Variants in NAV2 observed in about 807,000 individuals in gnomAD.
NAV2 encodes helicase, APC down-regulated 1.
In NAV2, 54 loss-of-function variants were observed where a neutral mutation model predicts 223.2. The observed-to-expected ratio is 0.24, with a 90% CI of 0.19 to 0.30. NAV2 has a LOEUF of 0.30. Among genes scored for constraint, NAV2 ranks in the 10% least tolerant of loss-of-function variants. The probability of loss-of-function intolerance (pLI) is 1.00; values close to 1 mark genes in which losing one functional copy is unlikely to be tolerated. For missense variants in NAV2, 2,806 were observed against 3,147.5 expected, an observed-to-expected ratio of 0.89 and a Z score of 2.60; for synonymous variants, 1,279 against 1,239.3, an observed-to-expected ratio of 1.03 and a Z score of -0.67.
At chr11:20,097,787 C>T (rs1423197333) in intron 31 of NAV2, 42 bp downstream of exon 31, 2 of 1,517,860 alleles carry the variant, frequency 1.3e-6, no homozygotes, top group South Asian at 2.6e-5. Flanking sequence ...TCAGGAATTG[C>T]AGTGTTTGTT....
chr11:20,068,601 C>T (rs1029705464), intron 22 of NAV2, among the ~76,000 whole-genome samples: 8 of 152,176 alleles, frequency 5.3e-5, no homozygotes, highest in South Asian at 2.1e-4. Flanking sequence ...TCTCAGCCTG[C>T]GTGTCCTTAT....
chr11:19,830,729 T>C (rs1002718384), intron 1 of NAV2, among the ~76,000 whole-genome samples: 2 of 152,214 alleles, frequency 1.3e-5, no homozygotes, highest in Non-Finnish European at 2.9e-5. Context: ...CCTGAACCCA[T>C]GTCTGCTTCT....
intron 1 of NAV2, among the ~76,000 whole-genome samples, chr11:19,773,720 C>T (rs527499898): frequency 6.2e-4 from 95 of 152,276 alleles, no homozygotes; most frequent in Admixed American, 1.1e-3. Flanking sequence ...CACCTGTGAA[C>T]TCACAGCCAT....
intron 1 of NAV2, among the ~76,000 whole-genome samples, chr11:19,687,040 C>T (rs571667575): frequency 6.6e-6 from 1 of 152,228 alleles, no homozygotes; most frequent in Non-Finnish European, 1.5e-5. Context: ...AGGGTTTCAA[C>T]ACATTGAGCT....
In NAV2 at chr11:19,994,663, G is replaced by A. The variant is rs1401708950; in HGVS notation, c.2768+10416G>A. On this transcript the variant is annotated intron_variant, in intron 11 of 37. Transcript: ENST00000349880. ...GCCCAGAATATAAGGCACTTACGGTGGCCTATGGAAAAGGGTCCCTGGTTT... is the reference window on the plus strand; with the variant it reads ...GCCCAGAATATAAGGCACTTACGGTAGCCTATGGAAAAGGGTCCCTGGTTT... 3.9e-5 allele frequency among the ~76,000 whole-genome samples: 6 copies of A among 152,106 alleles called. No homozygotes were observed. The East Asian group carries it at 1.2e-3, about 29-fold the overall frequency.
At chr11:20,018,128 C>T (rs532269054) in intron 11 of NAV2, among the ~76,000 whole-genome samples, 23 of 152,102 alleles carry the variant, frequency 1.5e-4, no homozygotes, top group African/African-American at 5.3e-4. Flanking sequence ...CCAAGGCAGG[C>T]GGATCACTTG....
intron 18 of NAV2, among the ~76,000 whole-genome samples, chr11:20,054,913 T>C (rs564734376): frequency 6.6e-6 from 1 of 152,182 alleles, no homozygotes; most frequent in African/African-American, 2.4e-5. Flanking sequence ...TATGAAATCA[T>C]GTAAAAGCTG....
At chr11:20,025,771 G>T (rs1372366145) in intron 11 of NAV2, among the ~76,000 whole-genome samples, 2 of 152,214 alleles carry the variant, frequency 1.3e-5, no homozygotes, top group African/African-American at 2.4e-5. Context: ...ACCGTCTGTA[G>T]ACGTTGCTTC....
chr11:19,513,009 A>G (rs1313394057), intron 1 of NAV2, among the ~76,000 whole-genome samples: 1 of 152,196 alleles, frequency 6.6e-6, no homozygotes, highest in Non-Finnish European at 1.5e-5. Context: ...ACGTAACTCT[A>G]CCTGCACAGA....
chr11:19,914,339 C>CTT (rs2043589323), intron 6 of NAV2, among the ~76,000 whole-genome samples: 1 of 152,070 alleles, frequency 6.6e-6, no homozygotes. Context: ...TCTGTTCTGC[C>CTT]GAAATACTTG....
At chr11:20,101,318 T>A (rs948534371) in intron 32 of NAV2, 146 bp downstream of exon 32, 1 of 647,092 alleles carries the variant, frequency 1.5e-6, no homozygotes, top group Non-Finnish European at 2.7e-6. Flanking sequence ...CAGAGGGGGC[T>A]AGCAGAAAAG....
intron 22 of NAV2, among the ~76,000 whole-genome samples, chr11:20,075,393 TTTTG>T (rs965281711): frequency 1.4e-5 from 2 of 143,482 alleles, no homozygotes; most frequent in Admixed American, 7.0e-5. Flanking sequence ...CCAGCTAGTT[TTTTG>T]TTTGTTTGTT....
intron 10 of NAV2, among the ~76,000 whole-genome samples, chr11:19,965,137 G>A (rs2048663545): frequency 6.6e-6 from 1 of 151,504 alleles, no homozygotes; most frequent in Admixed American, 6.6e-5. Context: ...TAATCTCTAT[G>A]TTCTAGGAAC....
At chr11:19,670,043 T>G (rs1312477352) in intron 1 of NAV2, among the ~76,000 whole-genome samples, 1 of 152,222 alleles carries the variant, frequency 6.6e-6, no homozygotes, top group Non-Finnish European at 1.5e-5. Context: ...CACTAACTCA[T>G]GGACTCCGGC....
intron 1 of NAV2, among the ~76,000 whole-genome samples, chr11:19,370,104 T>G (rs1156564617): frequency 6.6e-6 from 1 of 152,202 alleles, no homozygotes; most frequent in Non-Finnish European, 1.5e-5. Context: ...TAGCCATCGA[T>G]TTCCCCTTCT....
In NAV2 at chr11:20,107,702, G is replaced by A. The variant is rs780825678; in HGVS notation, c.6880G>A (p.Gly2294Ser). 24 of 1,614,134 alleles carry A rather than the reference G, an allele frequency of 1.5e-5. No homozygotes were observed. The highest frequency in any genetic ancestry group is 5.0e-5 in the Admixed American group (3 of 60,020). The change falls in exon 36 of 38, where the codon GGC becomes AGC. Residue 2294 changes from glycine to serine, a missense_variant. This residue lies in a region of NAV2 where 824 missense variants were observed against 1,069.4 expected (regional missense o/e 0.77). Transcript: ENST00000349880. ...CCTGTCATGCCCCATCGATGTGGAC[G>A]GCTCGAGAGTGTGGTTCACCGACTT... is the stretch of plus-strand genomic sequence containing the variant. ...LFLSCPIDVD[G>S]SRVWFTDLWN...
At chr11:19,557,405 T>C (rs10766569) in intron 1 of NAV2, among the ~76,000 whole-genome samples, 47,890 of 152,086 alleles carry the variant, frequency 0.31, 8,010 homozygotes, top group East Asian at 0.48. Context: ...GTTTGTAGAA[T>C]TGATTTATTT....
chr11:19,867,152 G>T (rs1453356586), intron 3 of NAV2, among the ~76,000 whole-genome samples: 1 of 152,154 alleles, frequency 6.6e-6, no homozygotes, highest in Non-Finnish European at 1.5e-5. Context: ...GGCATTTAGA[G>T]ACACAACTGT....
At chr11:20,029,520 C>G (rs1197701197) in intron 11 of NAV2, among the ~76,000 whole-genome samples, 2 of 152,188 alleles carry the variant, frequency 1.3e-5, no homozygotes, top group Non-Finnish European at 2.9e-5. Flanking sequence ...GCCCTTTGCT[C>G]ATCTCCCTAT....
Sources: allele counts gnomAD v4.1 joint callset (sites outside exome capture counted in the v4.1 genomes callset), GRCh38; gene constraint gnomAD v4.1.1; regional missense constraint gnomAD v4.1.1; transcripts MANE v1.5; gene names NCBI Gene and HGNC (gene_info 2026-07-23, HGNC 2026-07-21).